The following UNC5D variants were observed in gnomAD, a reference collection of about 807,000 sequenced individuals.
UNC5D encodes netrin receptor UNC5D.
In UNC5D, 39 loss-of-function variants were observed where a neutral mutation model predicts 105.4. The observed-to-expected ratio is 0.37, with a 90% CI of 0.29 to 0.48. The LOEUF is 0.48. UNC5D is among the 20% of genes least tolerant of loss of function. The pLI is 0.98. For synonymous variants in UNC5D, 452 were observed against 450.4 expected (o/e 1.00, Z -0.04); for missense variants, 991 against 1,202.4 (o/e 0.82, Z 2.60).
rs552428407 is a variant in UNC5D at position 35,685,314 on chromosome 8, C to T, written c.919+565C>T. Among the ~76,000 whole-genome samples the T allele has an allele frequency of 5.9e-5, 9 of 152,220 alleles. No individual in the cohort carries two copies. The South Asian group carries it at 1.9e-3, about 32-fold the overall frequency. On this transcript the variant is annotated intron_variant, in intron 6 of 16. Coordinates refer to ENST00000404895, the MANE Select transcript of UNC5D (RefSeq NM_080872.4). ...TCTGTAAAAAGAGATACTTCATTTA[C>T]CAAGTATGGCTTTCATAAATTCCTT...
chr8:35,575,321 T>C (rs1012550343), intron 3 of UNC5D, among the ~76,000 whole-genome samples: 5 of 152,202 alleles, frequency 3.3e-5, no homozygotes, highest in African/African-American at 1.2e-4. Flanking sequence ...CCTGCCAGTG[T>C]AGGATATGGC....
intron 15 of UNC5D, among the ~76,000 whole-genome samples, chr8:35,773,736 GTT>G (rs1002763923): frequency 1.3e-5 from 2 of 152,000 alleles, no homozygotes; most frequent in Non-Finnish European, 2.9e-5. Flanking sequence ...TTTGTTTTTT[GTT>G]TGAGGCGAAG....
At chr8:35,599,178 C>G (rs1196226990) in intron 4 of UNC5D, among the ~76,000 whole-genome samples, 1 of 138,884 alleles carries the variant, frequency 7.2e-6, no homozygotes, top group African/African-American at 2.7e-5. Flanking sequence ...AAGCTGAAGT[C>G]ACAGAACTAG....
At chr8:35,424,308 A>G (rs1806106332) in intron 1 of UNC5D, among the ~76,000 whole-genome samples, 2 of 152,228 alleles carry the variant, frequency 1.3e-5, no homozygotes, top group African/African-American at 4.8e-5. Flanking sequence ...TTTTAATGAT[A>G]TATTTAACAT....
intron 11 of UNC5D, among the ~76,000 whole-genome samples, chr8:35,735,164 T>C (rs1480726267): frequency 6.6e-6 from 1 of 152,052 alleles, no homozygotes; most frequent in African/African-American, 2.4e-5. Flanking sequence ...TCACTGACAT[T>C]ACAATAAGAG....
chr8:35,473,278 G>A (rs574506859), intron 1 of UNC5D, among the ~76,000 whole-genome samples: 12 of 152,230 alleles, frequency 7.9e-5, no homozygotes, highest in South Asian at 2.1e-4. Context: ...AAAAGAGACA[G>A]TTAAAAAAGG....
chr8:35,531,043 C>G (rs1270395312), intron 1 of UNC5D, among the ~76,000 whole-genome samples: 1 of 150,352 alleles, frequency 6.7e-6, no homozygotes, highest in African/African-American at 2.5e-5. Context: ...GTCTCTATTT[C>G]CTTCAGTTCT....
intron 1 of UNC5D, among the ~76,000 whole-genome samples, chr8:35,382,178 C>T (rs916941495): frequency 2.6e-5 from 4 of 152,204 alleles, no homozygotes; most frequent in Non-Finnish European, 5.9e-5. Flanking sequence ...GAGGAGTTCA[C>T]AGTTCTGCAC....
chr8:35,432,785 A>G (rs1343830458), intron 1 of UNC5D, among the ~76,000 whole-genome samples: 1 of 152,176 alleles, frequency 6.6e-6, no homozygotes, highest in Non-Finnish European at 1.5e-5. Flanking sequence ...TCCCAACTCA[A>G]TTCACCAAAT....
chr8:35,752,406 T>A (rs1830326709), intron 13 of UNC5D, among the ~76,000 whole-genome samples: 1 of 151,998 alleles, frequency 6.6e-6, no homozygotes. Context: ...TAGAAAAAAA[T>A]ATCACGACCT....
At chr8:35,719,718 T>C (rs1205144258) in intron 8 of UNC5D, among the ~76,000 whole-genome samples, 1 of 152,198 alleles carries the variant, frequency 6.6e-6, no homozygotes, top group Non-Finnish European at 1.5e-5. Flanking sequence ...CTGAATTTTA[T>C]AATTCCCAGG....
intron 9 of UNC5D, among the ~76,000 whole-genome samples, chr8:35,724,896 C>G (rs1828777342): frequency 6.6e-6 from 1 of 152,142 alleles, no homozygotes; most frequent in Non-Finnish European, 1.5e-5. Context: ...AAGCGCAGCT[C>G]CCTGATGGTA....
intron 10 of UNC5D, among the ~76,000 whole-genome samples, chr8:35,730,015 A>C (rs1397865891): frequency 6.6e-6 from 1 of 152,230 alleles, no homozygotes; most frequent in African/African-American, 2.4e-5. Flanking sequence ...TTAAATTATC[A>C]TCAGCAACCT....
chr8:35,245,862 T>G (rs567178531), intron 1 of UNC5D, among the ~76,000 whole-genome samples: 100 of 152,328 alleles, frequency 6.6e-4, no homozygotes, highest in Non-Finnish European at 1.1e-3. Context: ...ACTTAGATCA[T>G]TAAAGTTATA....
chr8:35,598,598 C>T (rs1346721473), intron 4 of UNC5D, among the ~76,000 whole-genome samples: 3 of 152,168 alleles, frequency 2.0e-5, no homozygotes, highest in Non-Finnish European at 4.4e-5. Context: ...ACCTGCACCC[C>T]CATGTTCATT....
At chr8:35,601,808 T>C (rs986103647) in intron 4 of UNC5D, among the ~76,000 whole-genome samples, 5 of 152,184 alleles carry the variant, frequency 3.3e-5, no homozygotes, top group African/African-American at 7.2e-5. Context: ...TCCTGCCTGA[T>C]TGCCCTGGCC....
chr8:35,778,085 C>T (rs1267887752), intron 16 of UNC5D, among the ~76,000 whole-genome samples: 1 of 152,176 alleles, frequency 6.6e-6, no homozygotes, highest in African/African-American at 2.4e-5. Context: ...TATCAGCCTT[C>T]ATGTCCTGTT....
intron 1 of UNC5D, among the ~76,000 whole-genome samples, chr8:35,426,006 C>T (rs1259065472): frequency 2.6e-5 from 4 of 152,016 alleles, no homozygotes; most frequent in Non-Finnish European, 4.4e-5. Context: ...ACGCCATGAA[C>T]GACAGAAATT....
At chr8:35,314,919 G>GT (rs1809174259) in intron 1 of UNC5D, among the ~76,000 whole-genome samples, 1 of 152,114 alleles carries the variant, frequency 6.6e-6, no homozygotes, top group African/African-American at 2.4e-5. Flanking sequence ...ACGTAATGCT[G>GT]TAAGGAAATG....
Sources: allele counts gnomAD v4.1 joint callset (sites outside exome capture counted in the v4.1 genomes callset), GRCh38; gene constraint gnomAD v4.1.1; transcripts MANE v1.5; gene names NCBI Gene and HGNC (gene_info 2026-07-23, HGNC 2026-07-21).